The following FRMD4A variants were observed in gnomAD, a reference collection of about 807,000 sequenced individuals.
FRMD4A encodes FERM domain-containing protein 4A.
In FRMD4A, 29 loss-of-function variants were observed where a neutral mutation model predicts 129.1. The ratio of observed to expected loss-of-function variants is 0.22; its 90% CI spans 0.17 to 0.31. The LOEUF is 0.31. Among genes scored for constraint, FRMD4A ranks in the 10% least tolerant of loss-of-function variants. The pLI is 1.00. For synonymous variants in FRMD4A, 634 were observed against 571.6 expected (o/e 1.11, Z -1.56); for missense variants, 1,272 against 1,375.8 (o/e 0.92, Z 1.19).
intron 18 of FRMD4A, among the ~76,000 whole-genome samples, chr10:13,664,623 C>T (rs1279407354): frequency 3.3e-5 from 5 of 152,152 alleles, no homozygotes; most frequent in African/African-American, 1.2e-4. Context: ...CGAGTTTAGG[C>T]TGCAAATCTG....
chr10:13,912,281 T>C (rs1468181316), intron 2 of FRMD4A, among the ~76,000 whole-genome samples: 1 of 152,164 alleles, frequency 6.6e-6, no homozygotes, highest in East Asian at 1.9e-4. Context: ...CTGGTGGGAC[T>C]GTGACATGGT....
At chr10:14,308,919 G>C (rs1310511403) in intron 2 of FRMD4A, among the ~76,000 whole-genome samples, 5 of 152,154 alleles carry the variant, frequency 3.3e-5, no homozygotes, top group Non-Finnish European at 7.3e-5. Context: ...TACGGGGAAC[G>C]ACTATGAAAA....
Position 13,741,193 on chromosome 10 carries a change from T to TA in FRMD4A, c.549-617dup, listed in dbSNP as rs534145269. On this transcript the variant is annotated intron_variant, in intron 9 of 24. Transcript: ENST00000357447. ...GGCCGGGTGCAGTGGCTCACCCCTG[T>TA]AATCCCAGTGTTTAGGGAGGCTGAC... Among the ~76,000 whole-genome samples, 3 of 151,630 alleles carry TA rather than the reference T, an allele frequency of 2.0e-5. No individual in the cohort carries two copies. The South Asian group carries it at 6.3e-4, about 32-fold the overall frequency.
intron 2 of FRMD4A, among the ~76,000 whole-genome samples, chr10:13,910,193 T>C (rs972559037): frequency 6.6e-6 from 1 of 152,222 alleles, no homozygotes; most frequent in African/African-American, 2.4e-5. Flanking sequence ...AGTGATAATA[T>C]GCTAGTTCAA....
At chr10:14,250,200 C>G (rs1844387888) in intron 2 of FRMD4A, among the ~76,000 whole-genome samples, 1 of 152,088 alleles carries the variant, frequency 6.6e-6, no homozygotes, top group African/African-American at 2.4e-5. Flanking sequence ...ACCTCAGGTG[C>G]TCTGCCTGCC....
At chr10:13,705,401 T>C (rs556739898) in intron 13 of FRMD4A, among the ~76,000 whole-genome samples, 2 of 152,216 alleles carry the variant, frequency 1.3e-5, no homozygotes, top group African/African-American at 4.8e-5. Context: ...TTGTCCAAGG[T>C]GCCTGGGTGT....
At chr10:14,162,370 T>C (rs771964495) in intron 2 of FRMD4A, among the ~76,000 whole-genome samples, 29 of 152,250 alleles carry the variant, frequency 1.9e-4, no homozygotes, top group Non-Finnish European at 3.5e-4. Context: ...AGTGACATTT[T>C]GTAAGTGGGA....
At chr10:14,319,406 A>C (rs1156517663) in intron 2 of FRMD4A, among the ~76,000 whole-genome samples, 1 of 106,172 alleles carries the variant, frequency 9.4e-6, no homozygotes, top group East Asian at 2.5e-4. Flanking sequence ...ACATACAGCC[A>C]CCTTGTGAGG....
intron 2 of FRMD4A, among the ~76,000 whole-genome samples, chr10:13,943,646 CAAAAAAAAAAAAAAAAAAAA>C (rs55774636): frequency 1.7e-5 from 1 of 58,268 alleles, no homozygotes; most frequent in Non-Finnish European, 2.8e-5. Flanking sequence ...GACTCTGTCT[CAAAAAAAAAAAAAAAAAAAA>C]AAAAAAAAAA....
In FRMD4A at chr10:13,815,965, T is replaced by G. The variant is rs11258639; in HGVS notation, c.112-5057A>C. ...TCTGATTTAGCCTGTCACACTACAA[T>G]AAGAAAACAAGTTTTCTTGGTGACT... On this transcript the variant is annotated intron_variant, in intron 3 of 24. Transcript: ENST00000357447. 4.8e-3 allele frequency among the ~76,000 whole-genome samples: 732 copies of G among 152,260 alleles called. 5 individuals carry two copies. Among genetic ancestry groups the G allele is most frequent in the African/African-American group, 0.017 (689 of 41,550 alleles).
intron 2 of FRMD4A, among the ~76,000 whole-genome samples, chr10:14,208,445 G>A (rs552319547): frequency 3.3e-5 from 5 of 152,122 alleles, no homozygotes; most frequent in East Asian, 3.9e-4. Flanking sequence ...GTTATCTACC[G>A]CGTGGATGCT....
chr10:13,884,326 T>C (rs968724635), intron 2 of FRMD4A, among the ~76,000 whole-genome samples: 5 of 151,986 alleles, frequency 3.3e-5, no homozygotes, highest in Admixed American at 2.6e-4. Flanking sequence ...TGGAATATAA[T>C]AAATAAAAAT....
rs567756878 is a variant in FRMD4A at position 13,739,822 on chromosome 10, A to G, written c.672+372T>C. Among the ~76,000 whole-genome samples the G allele has an allele frequency of 5.9e-5, 9 of 152,330 alleles. No individual in the cohort carries two copies. The East Asian group carries it at 1.2e-3, about 20-fold the overall frequency. On this transcript the variant is annotated intron_variant, in intron 11 of 24. Transcript: ENST00000357447. ...TATAAAGAAAAAAACAATGAGGGCC[A>G]GGCGCGGTGGCTCACGCCTATAATC...
rs534011343 is a variant in FRMD4A at position 13,984,924 on chromosome 10, T to C, written c.46-126012A>G. Among the ~76,000 whole-genome samples, 3 of 152,356 alleles carry C rather than the reference T, an allele frequency of 2.0e-5. 1 individual carries two copies. On this transcript the variant is annotated intron_variant, in intron 2 of 24. Transcript: ENST00000357447. The stretch of plus-strand genomic sequence containing the variant: ...ATCCCATGGCAATCCTGTGTGTAAT[T>C]TGGGGGAAGCTCTGTGCTGTTAGAT...
chr10:14,153,896 T>G (rs913999550), intron 2 of FRMD4A, among the ~76,000 whole-genome samples: 2 of 152,178 alleles, frequency 1.3e-5, no homozygotes, highest in Non-Finnish European at 2.9e-5. Flanking sequence ...GATGGAGCAG[T>G]CCCTGCTGTA....
intron 2 of FRMD4A, among the ~76,000 whole-genome samples, chr10:13,998,183 C>T (rs2095629649): frequency 6.6e-6 from 1 of 152,146 alleles, no homozygotes; most frequent in Admixed American, 6.5e-5. Context: ...CAGATGTTAT[C>T]ATATAGTCCT....
At chr10:14,159,917 G>T (rs1840795334) in intron 2 of FRMD4A, among the ~76,000 whole-genome samples, 1 of 152,110 alleles carries the variant, frequency 6.6e-6, no homozygotes, top group African/African-American at 2.4e-5. Context: ...AGGCGTGGTG[G>T]TGGGCGCCTG....
chr10:13,835,275 C>T (rs2093855134), intron 3 of FRMD4A, among the ~76,000 whole-genome samples: 1 of 152,170 alleles, frequency 6.6e-6, no homozygotes, highest in African/African-American at 2.4e-5. Flanking sequence ...AACAGTTTAT[C>T]CTACGGTTGT....
At chr10:13,977,816 T>C (rs557539064) in intron 2 of FRMD4A, among the ~76,000 whole-genome samples, 59 of 152,352 alleles carry the variant, frequency 3.9e-4, no homozygotes, top group African/African-American at 1.2e-3. Context: ...TATTGTAGCA[T>C]GTGCCAGTAC....
Sources: allele counts gnomAD v4.1 joint callset (sites outside exome capture counted in the v4.1 genomes callset), GRCh38; gene constraint gnomAD v4.1.1; transcripts MANE v1.5; gene names NCBI Gene and HGNC (gene_info 2026-07-23, HGNC 2026-07-21).